The following SLC24A2 variants were observed in gnomAD, a reference collection of about 807,000 sequenced individuals.
SLC24A2 encodes solute carrier family 24 member 2.
In SLC24A2, 36 loss-of-function variants were observed where a neutral mutation model predicts 62.0. That is an observed-to-expected ratio of 0.58 (90% CI 0.44 to 0.77). SLC24A2 has a LOEUF of 0.77. Ranked by LOEUF, SLC24A2 falls within the 30% of genes least tolerant of loss-of-function variation. The pLI, the probability that SLC24A2 is intolerant of heterozygous loss-of-function variation, is 0.00. For missense variants in SLC24A2, 846 were observed against 817.9 expected, an observed-to-expected ratio of 1.03 and a Z score of -0.42; for synonymous variants, 358 against 294.0, an observed-to-expected ratio of 1.22 and a Z score of -2.23.
chr9:19,529,756 T>G (rs906167823), intron 8 of SLC24A2, among the ~76,000 whole-genome samples: 3 of 151,558 alleles, frequency 2.0e-5, no homozygotes, highest in African/African-American at 4.8e-5. Flanking sequence ...CCTTCGTTTT[T>G]TTTTTTTTTT....
the SLC24A2 span, among the ~76,000 whole-genome samples, chr9:19,877,294 G>A: frequency 1.3e-5 from 2 of 148,990 alleles, no homozygotes; most frequent in Admixed American, 6.7e-5. Context: ...GACAGGCTGG[G>A]AAGAGAGAGA....
chr9:19,987,821 G>A, the SLC24A2 span, among the ~76,000 whole-genome samples: 2 of 152,144 alleles, frequency 1.3e-5, no homozygotes, highest in East Asian at 3.9e-4. Context: ...GAAAACTGAA[G>A]CCACCAATCC....
At chr9:19,636,416 T>TC (rs1818356727) in intron 2 of SLC24A2, among the ~76,000 whole-genome samples, 1 of 55,856 alleles carries the variant, frequency 1.8e-5, no homozygotes, top group African/African-American at 8.0e-5. Flanking sequence ...TCTTTCTTTC[T>TC]TTCCTCTTCT....
At chr9:19,535,631 T>C (rs1413088597) in intron 8 of SLC24A2, among the ~76,000 whole-genome samples, 2 of 152,216 alleles carry the variant, frequency 1.3e-5, no homozygotes, top group African/African-American at 4.8e-5. Context: ...ATTTCTTGTT[T>C]TTGTCAGGTT....
At chr9:19,660,970 G>A (rs557332549) in intron 2 of SLC24A2, among the ~76,000 whole-genome samples, 4 of 152,196 alleles carry the variant, frequency 2.6e-5, no homozygotes, top group East Asian at 3.9e-4. Context: ...GTCTGAGCTC[G>A]GACATCCAGT....
the SLC24A2 span, among the ~76,000 whole-genome samples, chr9:20,094,313 G>T: frequency 6.6e-6 from 1 of 152,090 alleles, no homozygotes; most frequent in Non-Finnish European, 1.5e-5. Context: ...TTACTTGAAA[G>T]AACAACTAAC....
At chr9:20,153,075 T>C in the SLC24A2 span, among the ~76,000 whole-genome samples, 118,333 of 151,822 alleles carry the variant, frequency 0.78, 48,524 homozygotes, top group Non-Finnish European at 0.92. Context: ...ACAGAAAATT[T>C]AGAAACCTCA....
At chr9:20,106,921 A>G in the SLC24A2 span, among the ~76,000 whole-genome samples, 1 of 152,224 alleles carries the variant, frequency 6.6e-6, no homozygotes, top group African/African-American at 2.4e-5. Flanking sequence ...CCCTGTTTGC[A>G]GACGACATGA....
the SLC24A2 span, among the ~76,000 whole-genome samples, chr9:19,879,368 G>T: frequency 6.6e-6 from 1 of 152,138 alleles, no homozygotes; most frequent in Non-Finnish European, 1.5e-5. Flanking sequence ...ATCATGGTAG[G>T]TTGGGATTGC....
At chr9:19,837,343 T>C in the SLC24A2 span, among the ~76,000 whole-genome samples, 1 of 149,932 alleles carries the variant, frequency 6.7e-6, no homozygotes, top group African/African-American at 2.4e-5. Flanking sequence ...TCCCAGCTAC[T>C]CGGGAGGCTG....
chr9:19,553,862 G>A (rs937914270), intron 7 of SLC24A2, among the ~76,000 whole-genome samples: 5 of 152,190 alleles, frequency 3.3e-5, no homozygotes, highest in Non-Finnish European at 5.9e-5. Flanking sequence ...GCTGCTGGCC[G>A]GTTAACGTGG....
the SLC24A2 span, among the ~76,000 whole-genome samples, chr9:19,856,699 G>A: frequency 6.6e-6 from 1 of 152,278 alleles, no homozygotes; most frequent in Non-Finnish European, 1.5e-5. Context: ...GCACTGACCT[G>A]ATGCTGGTGG....
chr9:19,965,108 G>T, the SLC24A2 span, among the ~76,000 whole-genome samples: 1 of 152,120 alleles, frequency 6.6e-6, no homozygotes. Context: ...GAGAAAGAGC[G>T]TTGGAGGCAG....
chr9:19,801,836 G>GT, the SLC24A2 span, among the ~76,000 whole-genome samples: 14 of 150,998 alleles, frequency 9.3e-5, no homozygotes, highest in South Asian at 2.1e-4. Flanking sequence ...AATAATCACT[G>GT]TTTTTTTTTC....
At position 19,761,467 on chromosome 9, in the gene SLC24A2, T is replaced by TTTTATTTTA. The variant is rs147911890; in HGVS notation, c.930+24469_930+24470insTAAAATAAA. 3.3e-3 allele frequency among the ~76,000 whole-genome samples: 492 copies of TTTTATTTTA among 150,298 alleles called. 3 individuals carry two copies. Among genetic ancestry groups the TTTTATTTTA allele is most frequent in the African/African-American group, 0.011 (472 of 41,086 alleles). ...GTTGCATAAATGTCATTTTTTAATT[T>TTTTATTTTA]TTTTATTTTATTTTATTTTATTTTA... On this transcript the variant is annotated intron_variant, in intron 2 of 10. Coordinates refer to ENST00000341998, the MANE Select transcript of SLC24A2 (RefSeq NM_020344.4).
chr9:20,066,140 G>C, the SLC24A2 span, among the ~76,000 whole-genome samples: 2 of 152,180 alleles, frequency 1.3e-5, no homozygotes, highest in African/African-American at 4.8e-5. Context: ...GAAATATAAA[G>C]GGAGGAGGAT....
At chr9:19,939,325 AG>A in the SLC24A2 span, among the ~76,000 whole-genome samples, 3 of 152,254 alleles carry the variant, frequency 2.0e-5, no homozygotes, top group African/African-American at 7.2e-5. Context: ...TTACACGCCT[AG>A]GCTATATGGT....
the SLC24A2 span, among the ~76,000 whole-genome samples, chr9:20,000,085 T>TA: frequency 0.022 from 3,314 of 152,256 alleles, 128 homozygotes; most frequent in African/African-American, 0.074. Context: ...GATCTGCAAC[T>TA]AAAAAACCAC....
chr9:20,148,592 A>G, the SLC24A2 span, among the ~76,000 whole-genome samples: 1 of 152,142 alleles, frequency 6.6e-6, no homozygotes, highest in Non-Finnish European at 1.5e-5. Flanking sequence ...ATCTATATAC[A>G]TGGGGATTAG....
Sources: gnomAD v4.1 joint callset for allele counts (sites outside exome capture counted in the v4.1 genomes callset) on GRCh38, gnomAD v4.1.1 for gene constraint, MANE v1.5 for transcripts, NCBI Gene and HGNC (gene_info 2026-07-23, HGNC 2026-07-21) for gene names.